ERBB4: variants seen among roughly 807,000 people sequenced by gnomAD.
The protein encoded by ERBB4 is receptor tyrosine-protein kinase erbB-4.
In ERBB4, 42 loss-of-function variants were observed where a neutral mutation model predicts 158.0. The observed-to-expected ratio is 0.27, with a 90% CI of 0.21 to 0.34. ERBB4 has a LOEUF of 0.34. Ranked by LOEUF, ERBB4 falls within the 10% of genes least tolerant of loss-of-function variation. ERBB4 has a pLI of 1.00. For missense variants in ERBB4, 1,333 were observed against 1,624.1 expected (o/e 0.82, Z 3.08); for synonymous variants, 583 against 558.7 (o/e 1.04, Z -0.61).
intron 5 of ERBB4, among the ~76,000 whole-genome samples, chr2:211,728,680 C>T (rs935632114): frequency 6.6e-6 from 1 of 151,954 alleles, no homozygotes; most frequent in African/African-American, 2.4e-5. Context: ...TATCAATTTG[C>T]TTCTATTTGA....
intron 1 of ERBB4, among the ~76,000 whole-genome samples, chr2:212,348,217 A>C (rs1224303882): frequency 6.6e-6 from 1 of 152,128 alleles, no homozygotes; most frequent in Non-Finnish European, 1.5e-5. Flanking sequence ...TACCAAATTC[A>C]TGTCTTTCCT....
rs975410235 is a variant in ERBB4 at position 211,863,369 on chromosome 2, A to G, written c.422-75210T>C. 2.6e-5 allele frequency among the ~76,000 whole-genome samples: 4 copies of G among 152,258 alleles called. No homozygotes were observed. In the East Asian group the frequency reaches 7.7e-4, roughly 29 times the overall value. ...GGAATAAAAGCTGGCCACCCCAGCC[A>G]GAAGCAGCAACCCACTCAGGTCCCC... is the stretch of plus-strand genomic sequence containing the variant. On this transcript the variant is annotated intron_variant, in intron 3 of 27. Coordinates refer to ENST00000342788, the MANE Select transcript of ERBB4 (RefSeq NM_005235.3).
intron 1 of ERBB4, among the ~76,000 whole-genome samples, chr2:212,352,552 T>C (rs1422273648): frequency 2.6e-5 from 4 of 152,074 alleles, no homozygotes; most frequent in Admixed American, 2.6e-4. Flanking sequence ...TGTATATGTG[T>C]AAAACCATAG....
chr2:212,451,310 T>G (rs16848583), intron 1 of ERBB4, among the ~76,000 whole-genome samples: 11,759 of 152,206 alleles, frequency 0.077, 1,192 homozygotes, highest in African/African-American at 0.24. Flanking sequence ...TGAGAAGAAT[T>G]TATAGCCATG....
At chr2:212,361,269 T>C (rs1211156330) in intron 1 of ERBB4, among the ~76,000 whole-genome samples, 2 of 151,644 alleles carry the variant, frequency 1.3e-5, no homozygotes, top group Non-Finnish European at 3.0e-5. Context: ...TCTACATTAT[T>C]TGAATCAAAC....
At chr2:212,054,051 T>C (rs551064773) in intron 2 of ERBB4, among the ~76,000 whole-genome samples, 4 of 152,236 alleles carry the variant, frequency 2.6e-5, no homozygotes, top group African/African-American at 9.6e-5. Context: ...CAGAAAAAGC[T>C]GTGCAGTAAC....
At chr2:212,244,656 T>C (rs551795557) in intron 1 of ERBB4, among the ~76,000 whole-genome samples, 1 of 152,290 alleles carries the variant, frequency 6.6e-6, no homozygotes, top group Non-Finnish European at 1.5e-5. Context: ...AACTTTATCA[T>C]TTCCCTCATG....
intron 19 of ERBB4, among the ~76,000 whole-genome samples, chr2:211,603,682 A>G (rs898330427): frequency 6.6e-6 from 1 of 152,330 alleles, no homozygotes; most frequent in African/African-American, 2.4e-5. Context: ...GACCATCAGC[A>G]GCCATTTTGA....
chr2:212,027,470 T>C (rs553617380), intron 2 of ERBB4, among the ~76,000 whole-genome samples: 1 of 152,234 alleles, frequency 6.6e-6, no homozygotes, highest in African/African-American at 2.4e-5. Flanking sequence ...GATTAATATG[T>C]TATTTTTACT....
At chr2:212,050,861 A>C (rs2077381093) in intron 2 of ERBB4, among the ~76,000 whole-genome samples, 1 of 152,126 alleles carries the variant, frequency 6.6e-6, no homozygotes, top group African/African-American at 2.4e-5. Flanking sequence ...ATGCAGGCAA[A>C]AATAATCACT....
In ERBB4 at chr2:211,614,953, C is replaced by T. The variant is rs551813063; in HGVS notation, c.2301+4224G>A. Among the ~76,000 whole-genome samples, 217 of 152,068 alleles carry T rather than the reference C, an allele frequency of 1.4e-3. 1 individual carries two copies. The highest frequency in any genetic ancestry group is 2.2e-3 in the Non-Finnish European group (149 of 67,930). On this transcript the variant is annotated intron_variant, in intron 19 of 27. Coordinates refer to ENST00000342788, the MANE Select transcript of ERBB4 (RefSeq NM_005235.3). ...GCTATTCTTTTTAATAAGAATATTA[C>T]CATTTACATAATAAAGTCAGATGAC...
At chr2:212,093,938 AC>A (rs2078853430) in intron 2 of ERBB4, among the ~76,000 whole-genome samples, 1 of 152,192 alleles carries the variant, frequency 6.6e-6, no homozygotes, top group Non-Finnish European at 1.5e-5. Flanking sequence ...TAGTAAGATA[AC>A]CTTTCCTTCC....
chr2:211,433,798 A>G (rs1225251330), intron 20 of ERBB4, among the ~76,000 whole-genome samples: 1 of 151,988 alleles, frequency 6.6e-6, no homozygotes, highest in Non-Finnish European at 1.5e-5. Context: ...TTTAGTCCCC[A>G]CACTGGGCGG....
chr2:211,798,056 A>G (rs1012926549), intron 3 of ERBB4, among the ~76,000 whole-genome samples: 8 of 152,026 alleles, frequency 5.3e-5, no homozygotes, highest in Non-Finnish European at 1.0e-4. Flanking sequence ...ACATGTATAC[A>G]ATATTTGTAC....
intron 2 of ERBB4, among the ~76,000 whole-genome samples, chr2:212,121,503 T>A (rs2079746702): frequency 6.6e-6 from 1 of 152,202 alleles, no homozygotes; most frequent in East Asian, 1.9e-4. Flanking sequence ...CCTCCACACC[T>A]GGTTAAAGAG....
At chr2:211,392,583 C>A (rs1211149154) in intron 25 of ERBB4, among the ~76,000 whole-genome samples, 2 of 151,332 alleles carry the variant, frequency 1.3e-5, no homozygotes, top group African/African-American at 4.9e-5. Flanking sequence ...CACACACACA[C>A]ACACACACAC....
intron 25 of ERBB4, among the ~76,000 whole-genome samples, chr2:211,417,606 T>C (rs2063422487): frequency 6.6e-6 from 1 of 152,260 alleles, no homozygotes; most frequent in Admixed American, 6.5e-5. Context: ...ATAAACATTG[T>C]ATTTTGAATT....
chr2:212,478,428 A>T (rs1429617740), intron 1 of ERBB4, among the ~76,000 whole-genome samples: 1 of 152,082 alleles, frequency 6.6e-6, no homozygotes, highest in East Asian at 1.9e-4. Flanking sequence ...ATATGCATTG[A>T]GAGTTTCATA....
intron 1 of ERBB4, among the ~76,000 whole-genome samples, chr2:212,248,541 T>C (rs2084397170): frequency 6.6e-6 from 1 of 151,820 alleles, no homozygotes; most frequent in African/African-American, 2.4e-5. Context: ...CAAAGGCATC[T>C]ACCTATGCTG....
Sources: gnomAD v4.1 joint callset for allele counts (sites outside exome capture counted in the v4.1 genomes callset) on GRCh38, gnomAD v4.1.1 for gene constraint, MANE v1.5 for transcripts, NCBI Gene and HGNC (gene_info 2026-07-23, HGNC 2026-07-21) for gene names.